CHRM3: variants seen among roughly 807,000 people sequenced by gnomAD.
The protein encoded by CHRM3 is muscarinic acetylcholine receptor M3.
Under a neutral mutation model 41.8 loss-of-function variants are expected in CHRM3, and 11 were observed. The ratio of observed to expected loss-of-function variants is 0.26; its 90% confidence interval spans 0.17 to 0.44. The LOEUF (loss-of-function observed/expected upper bound fraction) is 0.44. Among genes scored for constraint, CHRM3 ranks in the 20% least tolerant of loss-of-function variants. The pLI is 1.00. For missense variants in CHRM3, 571 were observed against 745.4 expected, an observed-to-expected ratio of 0.77 and a Z score of 2.72; for synonymous variants, 297 against 301.4, an observed-to-expected ratio of 0.99 and a Z score of 0.15.
intron 1 of CHRM3, among the ~76,000 whole-genome samples, chr1:239,481,176 G>T (rs1163204148): frequency 1.3e-5 from 2 of 152,128 alleles, no homozygotes; most frequent in African/African-American, 4.8e-5. Flanking sequence ...AAATCAGGTT[G>T]AGTATAGGAA....
chr1:239,738,771 G>A (rs933993299), intron 5 of CHRM3, among the ~76,000 whole-genome samples: 1 of 152,162 alleles, frequency 6.6e-6, no homozygotes, highest in Non-Finnish European at 1.5e-5. Flanking sequence ...AAGAGGGCTT[G>A]TAGAGTGTAT....
intron 1 of CHRM3, among the ~76,000 whole-genome samples, chr1:239,454,682 A>G (rs947957405): frequency 6.6e-6 from 1 of 152,202 alleles, no homozygotes; most frequent in African/African-American, 2.4e-5. Flanking sequence ...TCATCTCAGC[A>G]TACAAAAAGA....
intron 4 of CHRM3, among the ~76,000 whole-genome samples, chr1:239,650,895 A>G (rs1044296496): frequency 5.9e-5 from 9 of 152,372 alleles, no homozygotes; most frequent in Admixed American, 5.9e-4. Flanking sequence ...GTAGTATCAC[A>G]CATTAATATA....
intron 1 of CHRM3, among the ~76,000 whole-genome samples, chr1:239,475,392 T>C (rs1666401455): frequency 6.6e-6 from 1 of 152,098 alleles, no homozygotes; most frequent in Non-Finnish European, 1.5e-5. Context: ...ATCCTCAAAA[T>C]CCATAACCCC....
intron 6 of CHRM3, among the ~76,000 whole-genome samples, chr1:239,845,835 T>A (rs1259789692): frequency 6.6e-6 from 1 of 152,236 alleles, no homozygotes; most frequent in African/African-American, 2.4e-5. Context: ...TCAGATGAGT[T>A]CTTGCTTACT....
chr1:239,674,937 C>A (rs1322880567), intron 4 of CHRM3, among the ~76,000 whole-genome samples: 1 of 152,066 alleles, frequency 6.6e-6, no homozygotes, highest in Non-Finnish European at 1.5e-5. Flanking sequence ...AATTATTACT[C>A]CTCCTCGCTG....
intron 3 of CHRM3, among the ~76,000 whole-genome samples, chr1:239,604,053 A>G (rs1665937350): frequency 6.6e-6 from 1 of 152,292 alleles, no homozygotes; most frequent in African/African-American, 2.4e-5. Flanking sequence ...TGTATTTACA[A>G]ATTAAAATAC....
intron 3 of CHRM3, among the ~76,000 whole-genome samples, chr1:239,610,018 C>T (rs1049372347): frequency 6.6e-6 from 1 of 151,662 alleles, no homozygotes; most frequent in Non-Finnish European, 1.5e-5. Flanking sequence ...TGGTGAAACC[C>T]CGTCTCTACT....
At chr1:239,463,280 ATG>A (rs1665490935) in intron 1 of CHRM3, among the ~76,000 whole-genome samples, 1 of 152,144 alleles carries the variant, frequency 6.6e-6, no homozygotes, top group Admixed American at 6.5e-5. Context: ...TTTTTGCTAG[ATG>A]TAATCTAATT....
chr1:239,506,607 A>G (rs1435878263), intron 2 of CHRM3, among the ~76,000 whole-genome samples: 1 of 152,176 alleles, frequency 6.6e-6, no homozygotes, highest in African/African-American at 2.4e-5. Context: ...GCAGTGCAGA[A>G]GTGAAATATG....
chr1:239,550,359 G>T (rs10925915), intron 3 of CHRM3, among the ~76,000 whole-genome samples: 56,193 of 151,900 alleles, frequency 0.37, 12,154 homozygotes, highest in East Asian at 0.6. Flanking sequence ...GCAATGCTTT[G>T]TTGATGTACC....
chr1:239,606,723 A>C (rs549139235), intron 3 of CHRM3, among the ~76,000 whole-genome samples: 3 of 152,228 alleles, frequency 2.0e-5, no homozygotes, highest in African/African-American at 7.2e-5. Context: ...CAAAATTACC[A>C]GATTCGTAAG....
intron 1 of CHRM3, among the ~76,000 whole-genome samples, chr1:239,408,538 A>C (rs183462214): frequency 0.027 from 4,099 of 151,290 alleles, 218 homozygotes; most frequent in African/African-American, 0.094. Context: ...AAAAAAAAAA[A>C]AAAAAACTCT....
At chr1:239,852,711 T>A (rs1674794344) in intron 6 of CHRM3, among the ~76,000 whole-genome samples, 1 of 151,520 alleles carries the variant, frequency 6.6e-6, no homozygotes, top group South Asian at 2.1e-4. Flanking sequence ...AACGTTAGTC[T>A]TCAGACACCC....
intron 1 of CHRM3, among the ~76,000 whole-genome samples, chr1:239,417,812 G>A (rs1192314815): frequency 6.6e-6 from 1 of 151,994 alleles, no homozygotes; most frequent in Non-Finnish European, 1.5e-5. Flanking sequence ...ACAAATGCAA[G>A]CAACGAAAGA....
intron 5 of CHRM3, among the ~76,000 whole-genome samples, chr1:239,738,418 T>C (rs148401361): frequency 1.8e-4 from 27 of 152,210 alleles, no homozygotes; most frequent in Non-Finnish European, 3.4e-4. Context: ...AGTCGGGTCA[T>C]CAGGTGGTTC....
At chr1:239,823,111 C>T (rs922918282) in intron 5 of CHRM3, among the ~76,000 whole-genome samples, 1 of 152,168 alleles carries the variant, frequency 6.6e-6, no homozygotes, top group Admixed American at 6.5e-5. Flanking sequence ...GCGATTTATC[C>T]TCGCACATAA....
rs149983286 is a variant in CHRM3 at position 239,513,094 on chromosome 1, G to A, written c.-422+20287G>A. Among the ~76,000 whole-genome samples, 13 of 152,156 alleles carry A rather than the reference G, an allele frequency of 8.5e-5. No individual in the cohort carries two copies. In the East Asian group the frequency reaches 1.2e-3, roughly 14 times the overall value. On this transcript the variant is annotated intron_variant, in intron 2 of 6. Coordinates refer to ENST00000676153, the MANE Select transcript of CHRM3 (RefSeq NM_001375978.1). ...AACAAAATTCCAGATTTTGCAAGTC[G>A]GTATTGGTATTAGGCCAATACCAAC...
In CHRM3 at chr1:239,523,790, T is replaced by C. The variant is rs1340251290; in HGVS notation, c.-421-21851T>C. 3.9e-5 allele frequency among the ~76,000 whole-genome samples: 6 copies of C among 152,276 alleles called. No homozygotes were observed. In the East Asian group the frequency reaches 7.7e-4, roughly 20 times the overall value. On this transcript the variant is annotated intron_variant, in intron 2 of 6. Coordinates refer to ENST00000676153, the MANE Select transcript of CHRM3 (RefSeq NM_001375978.1). ...TGATAAGATATACAAACAAAATTAA[T>C]GGGATAAAACAGTATGATGGCATCA...
Sources: allele counts gnomAD v4.1 joint callset (sites outside exome capture counted in the v4.1 genomes callset), GRCh38; gene constraint gnomAD v4.1.1; transcripts MANE v1.5; gene names NCBI Gene and HGNC (gene_info 2026-07-23, HGNC 2026-07-21).